The following ATP6V1G2 variants were observed in gnomAD, a reference collection of about 807,000 sequenced individuals.
ATP6V1G2 encodes the protein ATPase H+ transporting V1 subunit G2, also known as V-type proton ATPase subunit G 2.
ATP6V1G2 carries 14 observed loss-of-function variants against 17.8 expected under a neutral mutation model. That is an observed-to-expected ratio of 0.79 (90% CI 0.52 to 1.23). The LOEUF is 1.23. Among genes scored for constraint, ATP6V1G2 ranks in the 50% most tolerant of loss-of-function variants. The probability of loss-of-function intolerance (pLI) is 0.00; values close to 1 mark genes in which losing one functional copy is unlikely to be tolerated. For synonymous variants in ATP6V1G2, 57 were observed against 54.8 expected (o/e 1.04, Z -0.17); for missense variants, 112 against 152.2 (o/e 0.74, Z 1.39).
In ATP6V1G2 at chr6:31,545,245, G is replaced by C; in HGVS notation, c.*163C>G. ...TAAAGAACAACAAGGAGATTCAGAT[G>C]TGAGCAGGATATTTATAAGTGTCAC... On this transcript the variant is annotated 3_prime_UTR_variant, in exon 3 of 3. Coordinates refer to ENST00000303892, the MANE Select transcript of ATP6V1G2 (RefSeq NM_130463.4). The surrounding 1 kb of genome is among the most constrained non-coding windows in gnomAD (Gnocchi z 4.9). The C allele has an allele frequency of 1.2e-6, 1 of 820,194 alleles. No homozygotes were observed. Among genetic ancestry groups the C allele is most frequent in the Middle Eastern group, 2.5e-4 (1 of 4,038 alleles). The allele number at this position is 820,194 out of a possible 1,614,324, so 50.8% of individuals were successfully genotyped here.
chr6:31,544,566 G>C lies in ATP6V1G2; in HGVS notation c.*842C>G. ...AAGGGCATGCATATGAGGGAACACA[G>C]TATCATTTTAGATCTTAGAAAGCAA... On this transcript the variant is annotated 3_prime_UTR_variant, in exon 3 of 3. Transcript: ENST00000303892. The C allele has an allele frequency of 2.6e-6, 1 of 378,192 alleles. No homozygotes were observed. Among genetic ancestry groups the C allele is most frequent in the South Asian group, 2.0e-5 (1 of 51,244 alleles). 23.4% of individuals were successfully genotyped at this position (378,192 alleles called of 1,614,324 possible).
At position 31,544,966 on chromosome 6, in the gene ATP6V1G2, C is replaced by G. The variant is rs1041941361; in HGVS notation, c.*442G>C. 5.8e-6 allele frequency: 2 copies of G among 346,018 alleles called. No homozygotes were observed. Among genetic ancestry groups the G allele is most frequent in the Non-Finnish European group, 1.1e-5 (2 of 175,958 alleles). The allele number at this position is 346,018 out of a possible 1,614,324, so 21.4% of individuals were successfully genotyped here. A position where few individuals can be genotyped will look rare whatever the true frequency, so the allele number is the denominator to read the frequency against. On this transcript the variant is annotated 3_prime_UTR_variant, in exon 3 of 3. Coordinates refer to ENST00000303892, the MANE Select transcript of ATP6V1G2 (RefSeq NM_130463.4). Reference sequence around the variant, plus strand: ...CTGTGCTAGACTTTACAGAATGATTCCTAATCATTGAAGCAACCCTCACAA... The same window carrying G: ...CTGTGCTAGACTTTACAGAATGATTGCTAATCATTGAAGCAACCCTCACAA...
At chr6:31,546,617 C>T (rs1769018997), upstream of ATP6V1G2, 2 of 1,491,408 alleles carry the variant, frequency 1.3e-6, no homozygotes, top group South Asian at 1.1e-5. This position sits in a 1 kb window ranked among gnomAD's most constrained non-coding sequence, Gnocchi z 4.1. Context: ...ATGGCTCCCA[C>T]CCCCCACCGC....
upstream of ATP6V1G2, chr6:31,546,613 C>T: frequency 6.6e-7 from 1 of 1,507,192 alleles, no homozygotes. This position sits in a 1 kb window ranked among gnomAD's most constrained non-coding sequence, Gnocchi z 4.1. Context: ...CCAGATGGCT[C>T]CCACCCCCCA....
chr6:31,545,492 G>A lies in ATP6V1G2; in HGVS notation c.273C>T (p.Asn91=). Residue 91 remains asparagine (N), a synonymous_variant, in exon 3 of 3, where the codon AAC becomes AAT. Coordinates refer to ENST00000303892, the MANE Select transcript of ATP6V1G2 (RefSeq NM_130463.4). This position sits in a 1 kb window ranked among gnomAD's most constrained non-coding sequence, Gnocchi z 4.9. ...GAAGCTGGGCCAGGACACGCTCTCG[G>A]TTTCTCTGCTGGGAGCTCTGCATGC... ...VQGMQSSQQR[N]RERVLAQLLG... 6.2e-7 allele frequency: 1 copy of A among 1,614,048 alleles called. No homozygotes were observed. Among genetic ancestry groups the A allele is most frequent in the Non-Finnish European group, 8.5e-7 (1 of 1,180,008 alleles).
Position 31,544,630 on chromosome 6 carries a change from G to C in ATP6V1G2, c.*778C>G, listed in dbSNP as rs774900041. 8 of 442,118 alleles carry C rather than the reference G, an allele frequency of 1.8e-5. No homozygotes were observed. The highest frequency in any genetic ancestry group is 3.6e-5 in the Non-Finnish European group (8 of 221,490). 27.4% of individuals were successfully genotyped at this position (442,118 alleles called of 1,614,324 possible). A position where few individuals can be genotyped will look rare whatever the true frequency, so the allele number is the denominator to read the frequency against. ...AGTCTTTGGGGAAATAGGAAAGGAG[G>C]AAAATCTAATAAAGACAAAGATCAG... On this transcript the variant is annotated 3_prime_UTR_variant, in exon 3 of 3. Coordinates refer to ENST00000303892, the MANE Select transcript of ATP6V1G2 (RefSeq NM_130463.4).
Position 31,545,323 on chromosome 6 carries a change from C to T in ATP6V1G2, c.*85G>A. 3.4e-6 allele frequency: 5 copies of T among 1,451,572 alleles called. No individual in the cohort carries two copies. Among genetic ancestry groups the T allele is most frequent in the Non-Finnish European group, 4.7e-6 (5 of 1,072,944 alleles). 89.9% of individuals were successfully genotyped at this position (1,451,572 alleles called of 1,614,324 possible). A position where few individuals can be genotyped will look rare whatever the true frequency, so the allele number is the denominator to read the frequency against. The stretch of plus-strand genomic sequence containing the variant: ...GGATTTCTAGGGGATGGAAAGAAGA[C>T]AGGGATTATGGTGGGAGGTGATTTT... On this transcript the variant is annotated 3_prime_UTR_variant, in exon 3 of 3. Coordinates refer to ENST00000303892, the MANE Select transcript of ATP6V1G2 (RefSeq NM_130463.4). This position sits in a 1 kb window ranked among gnomAD's most constrained non-coding sequence, Gnocchi z 4.9.
Position 31,545,447 on chromosome 6 carries a change from G to A in ATP6V1G2, c.318C>T (p.Val106=). The A allele has an allele frequency of 6.2e-7, 1 of 1,614,020 alleles. No homozygotes were observed. The highest frequency in any genetic ancestry group is 8.5e-7 in the Non-Finnish European group (1 of 1,179,982). The change falls in exon 3 of 3, where the codon GTC becomes GTT. Residue 106 remains valine, a synonymous_variant. Transcript: ENST00000303892. This position sits in a 1 kb window ranked among gnomAD's most constrained non-coding sequence, Gnocchi z 4.9. The stretch of plus-strand genomic sequence containing the variant: ...GGTAGTTGGGGTGGACCTGGGGCCT[G>A]ACGTCGCAGACCATGCCAAGAAGCT... The part of the protein sequence containing the change: ...LAQLLGMVCD[V]RPQVHPNYRI...
At position 31,546,454 on chromosome 6, in the gene ATP6V1G2, T is replaced by G. The variant is rs764325137; in HGVS notation, c.82+24A>C. On this transcript the variant is annotated intron_variant, in intron 1 of 2. Coordinates refer to ENST00000303892, the MANE Select transcript of ATP6V1G2 (RefSeq NM_130463.4). The surrounding 1 kb of genome is among the most constrained non-coding windows in gnomAD (Gnocchi z 4.1). Reference sequence around the variant, plus strand: ...ACCCCCAATTTTCTTTCCAAACTCCTAAGGGAGGAAAGAGGAGACTCACTC... The same window carrying G: ...ACCCCCAATTTTCTTTCCAAACTCCGAAGGGAGGAAAGAGGAGACTCACTC... The G allele has an allele frequency of 1.2e-6, 2 of 1,607,950 alleles. No individual in the cohort carries two copies. The highest frequency in any genetic ancestry group is 1.7e-6 in the Non-Finnish European group (2 of 1,174,846).
Position 31,546,246 on chromosome 6 carries a change from C to T in ATP6V1G2, c.83-37G>A. ...AGAAAGGACAGTGAGTGGGGATGGA[C>T]CCACACACACACAATGTAATAGCAG... On this transcript the variant is annotated intron_variant, in intron 1 of 2. Coordinates refer to ENST00000303892, the MANE Select transcript of ATP6V1G2 (RefSeq NM_130463.4). This position sits in a 1 kb window ranked among gnomAD's most constrained non-coding sequence, Gnocchi z 4.1. 6.4e-7 allele frequency: 1 copy of T among 1,567,168 alleles called. No homozygotes were observed. The highest frequency in any genetic ancestry group is 8.8e-7 in the Non-Finnish European group (1 of 1,138,870).
rs971913028 is a variant in ATP6V1G2 at position 31,545,836 on chromosome 6, T to C, written c.184-255A>G. 2.6e-5 allele frequency: 16 copies of C among 611,744 alleles called. No homozygotes were observed. The highest frequency in any genetic ancestry group is 2.2e-4 in the African/African-American group (12 of 54,010). 37.9% of individuals were successfully genotyped at this position (611,744 alleles called of 1,614,324 possible). On this transcript the variant is annotated intron_variant, in intron 2 of 2. Coordinates refer to ENST00000303892, the MANE Select transcript of ATP6V1G2 (RefSeq NM_130463.4). The surrounding 1 kb of genome is among the most constrained non-coding windows in gnomAD (Gnocchi z 4.9). ...CTCACCATCCATGACCATAAAACTC[T>C]ACCCTCCACCACAAATGTTAATCAT...
chr6:31,545,489 T>G lies in ATP6V1G2; in HGVS notation c.276A>C (p.Arg92=). The change falls in exon 3 of 3, where the codon CGA becomes CGC. Residue 92 remains arginine, a synonymous_variant. Transcript: ENST00000303892. This position sits in a 1 kb window ranked among gnomAD's most constrained non-coding sequence, Gnocchi z 4.9. ...QGMQSSQQRN[R]ERVLAQLLGM... ...CAAGAAGCTGGGCCAGGACACGCTC[T>G]CGGTTTCTCTGCTGGGAGCTCTGCA... 6.2e-7 allele frequency: 1 copy of G among 1,614,074 alleles called. No homozygotes were observed.
chr6:31,546,660 C>T, upstream of ATP6V1G2: 4 of 1,057,128 alleles, frequency 3.8e-6, no homozygotes, highest in Non-Finnish European at 4.3e-6. This position sits in a 1 kb window ranked among gnomAD's most constrained non-coding sequence, Gnocchi z 4.1. Context: ...TTGCTGCAGT[C>T]CTCCACTACC....
rs1768941209 is a variant in ATP6V1G2, at chr6:31,545,868, C to T, written c.183+241G>A. On this transcript the variant is annotated intron_variant, in intron 2 of 2. Transcript: ENST00000303892. The surrounding 1 kb of genome is among the most constrained non-coding windows in gnomAD (Gnocchi z 4.9). ...CACCACAAATGTTAATCATACTCCA[C>T]ATAGATGTTATACTTTACACAGACT... 6.5e-6 allele frequency: 4 copies of T among 613,326 alleles called. No individual in the cohort carries two copies. Among genetic ancestry groups the T allele is most frequent in the South Asian group, 5.9e-5 (3 of 50,710 alleles). The allele number at this position is 613,326 out of a possible 1,614,324, so 38.0% of individuals were successfully genotyped here.
Position 31,544,802 on chromosome 6 carries a change from C to A in ATP6V1G2, c.*606G>T, listed in dbSNP as rs1002305802. 2 of 455,792 alleles carry A rather than the reference C, an allele frequency of 4.4e-6. No individual in the cohort carries two copies. Among genetic ancestry groups the A allele is most frequent in the Non-Finnish European group, 8.8e-6 (2 of 226,700 alleles). 28.2% of individuals were successfully genotyped at this position (455,792 alleles called of 1,614,324 possible). A position where few individuals can be genotyped will look rare whatever the true frequency, so the allele number is the denominator to read the frequency against. On this transcript the variant is annotated 3_prime_UTR_variant, in exon 3 of 3. Transcript: ENST00000303892. ...CAATTTTTCAGAAAATAACTAGGGT[C>A]ACAGAATGAACAAGTGGAATTAGAG...
Position 31,544,669 on chromosome 6 carries a change from A to C in ATP6V1G2, c.*739T>G, listed in dbSNP as rs202186454. 5 of 426,380 alleles carry C rather than the reference A, an allele frequency of 1.2e-5. No homozygotes were observed. Among genetic ancestry groups the C allele is most frequent in the Non-Finnish European group, 2.4e-5 (5 of 212,450 alleles). 26.4% of individuals were successfully genotyped at this position (426,380 alleles called of 1,614,324 possible). A position where few individuals can be genotyped will look rare whatever the true frequency, so the allele number is the denominator to read the frequency against. ...GACAAAGATCAGCAAAAGAAAAACA[A>C]AGAGAGGCTACAAAATGCAGTTATC... On this transcript the variant is annotated 3_prime_UTR_variant, in exon 3 of 3. Coordinates refer to ENST00000303892, the MANE Select transcript of ATP6V1G2 (RefSeq NM_130463.4).
rs2150356375 is a variant in ATP6V1G2, at chr6:31,546,381, CTGT to C, written c.82+94_82+96del. 1 of 1,207,284 alleles carries C rather than the reference CTGT, an allele frequency of 8.3e-7. No individual in the cohort carries two copies. Among genetic ancestry groups the C allele is most frequent in the African/African-American group, 3.5e-5 (1 of 28,354 alleles). 74.8% of individuals were successfully genotyped at this position (1,207,284 alleles called of 1,614,324 possible). The stretch of plus-strand genomic sequence containing the variant: ...TAACCAGCCTCCAGACCCTAGCTGT[CTGT>C]CTTCCCGCCAGCCTTGGGTTTTCCC... On this transcript the variant is annotated intron_variant, in intron 1 of 2. Transcript: ENST00000303892. The surrounding 1 kb of genome is among the most constrained non-coding windows in gnomAD (Gnocchi z 4.1).
chr6:31,546,038 C>G lies in ATP6V1G2; in HGVS notation c.183+71G>C, dbSNP rs932792863. On this transcript the variant is annotated intron_variant, in intron 2 of 2. Coordinates refer to ENST00000303892, the MANE Select transcript of ATP6V1G2 (RefSeq NM_130463.4). This position sits in a 1 kb window ranked among gnomAD's most constrained non-coding sequence, Gnocchi z 4.1. ...GCCACCATATTTTCTTGTTGAGTCACCCTTACACACCTCACTAGATGCACC... is the reference window on the plus strand; with the variant it reads ...GCCACCATATTTTCTTGTTGAGTCAGCCTTACACACCTCACTAGATGCACC... The G allele has an allele frequency of 1.4e-6, 2 of 1,479,898 alleles. No homozygotes were observed. The highest frequency in any genetic ancestry group is 2.3e-5 in the South Asian group (2 of 88,370). 91.7% of individuals were successfully genotyped at this position (1,479,898 alleles called of 1,614,324 possible).
chr6:31,545,485 G>A lies in ATP6V1G2; in HGVS notation c.280C>T (p.Arg94Cys), dbSNP rs757650625. ...MQSSQQRNRE[R>C]VLAQLLGMVC... ...ATGCCAAGAAGCTGGGCCAGGACAC[G>A]CTCTCGGTTTCTCTGCTGGGAGCTC... Residue 94 changes from arginine to cysteine, a missense_variant, in exon 3 of 3, where the codon CGT (arginine) becomes TGT (cysteine). Coordinates refer to ENST00000303892, the MANE Select transcript of ATP6V1G2 (RefSeq NM_130463.4). This position sits in a 1 kb window ranked among gnomAD's most constrained non-coding sequence, Gnocchi z 4.9. 14 of 1,614,060 alleles carry A rather than the reference G, an allele frequency of 8.7e-6. 1 individual carries two copies. The highest frequency in any genetic ancestry group is 2.2e-5 in the South Asian group (2 of 91,026).
Sources: allele counts gnomAD v4.1 joint callset, GRCh38; gene constraint gnomAD v4.1.1; non-coding constraint Gnocchi (gnomAD v3.1); transcripts MANE v1.5; gene names NCBI Gene and HGNC (gene_info 2026-07-23, HGNC 2026-07-21).